The following LRRC37A variants were observed in gnomAD, a reference collection of about 807,000 sequenced individuals.
LRRC37A encodes the protein leucine-rich repeat-containing protein 37A.
Under a neutral mutation model 35.4 loss-of-function variants are expected in LRRC37A, and 3 were observed. The observed-to-expected ratio is 0.08, with a 90% confidence interval of 0.04 to 0.22. LRRC37A has a LOEUF of 0.22. Ranked by LOEUF, LRRC37A falls within the 10% of genes least tolerant of loss-of-function variation. The pLI, the probability that LRRC37A is intolerant of heterozygous loss-of-function variation, is 1.00. For missense variants in LRRC37A, 67 were observed against 565.3 expected (o/e 0.12, Z 8.94); for synonymous variants, 23 against 215.0 (o/e 0.11, Z 7.81).
the LRRC37A span, among the ~76,000 whole-genome samples, chr17:46,254,721 A>G: frequency 1.7e-4 from 24 of 138,760 alleles, no homozygotes; most frequent in Non-Finnish European, 3.0e-4. Context: ...TTTTTTTTTT[A>G]GTAGAGGCGG....
At chr17:46,269,925 A>G in the LRRC37A span, among the ~76,000 whole-genome samples, 1 of 152,262 alleles carries the variant, frequency 6.6e-6, no homozygotes, top group East Asian at 1.9e-4. Flanking sequence ...AATATTAACC[A>G]ATGACAGCTC....
upstream of LRRC37A, among the ~76,000 whole-genome samples, chr17:46,290,818 CAAAA>C (rs1193553365): frequency 6.6e-6 from 1 of 152,198 alleles, no homozygotes; most frequent in Non-Finnish European, 1.5e-5. Context: ...CAAAAACAAA[CAAAA>C]AACCCACAGG....
rs757660633 is a variant in LRRC37A, at chr17:46,331,023, A to C, written c.3746A>C (p.Lys1249Thr). Residue 1249 changes from lysine to threonine, a missense_variant, in exon 9 of 14, where the codon AAA becomes ACA. By Grantham distance (78) the Lys-to-Thr change is moderately conservative. Transcript: ENST00000320254. ...CATAAGGCAGCAGTCTCTGTGCTGA[A>C]ACCCTTCTCCAAGGGCACGCCTTCT... 8.9e-5 allele frequency: 63 copies of C among 705,304 alleles called. 26 individuals are homozygous for C. Among genetic ancestry groups the C allele is most frequent in the South Asian group, 2.5e-4 (9 of 35,308 alleles). The allele number at this position is 705,304 out of a possible 1,614,324, so 43.7% of individuals were successfully genotyped here.
At chr17:46,278,092 G>A in the LRRC37A span, among the ~76,000 whole-genome samples, 3 of 152,124 alleles carry the variant, frequency 2.0e-5, no homozygotes, top group South Asian at 2.1e-4. Flanking sequence ...ACTTACAGGC[G>A]TGCACCACCA....
At chr17:46,267,335 T>C in the LRRC37A span, 2 of 1,503,800 alleles carry the variant, frequency 1.3e-6, no homozygotes, top group Non-Finnish European at 1.8e-6. Context: ...ATGAACGGGA[T>C]AGTGCATGAC....
the LRRC37A span, chr17:46,260,726 C>T: frequency 0.095 from 75,127 of 793,090 alleles, 4,765 homozygotes; most frequent in East Asian, 0.32. Context: ...CGGGTTCAAG[C>T]GATTCTCCTG....
chr17:46,274,023 T>A, the LRRC37A span, among the ~76,000 whole-genome samples: 1 of 152,240 alleles, frequency 6.6e-6, no homozygotes, highest in Non-Finnish European at 1.5e-5. Flanking sequence ...TGAAGATTCT[T>A]CTCTGACGTG....
the LRRC37A span, among the ~76,000 whole-genome samples, chr17:46,254,389 T>A: frequency 2.7e-5 from 4 of 148,660 alleles, no homozygotes; most frequent in Non-Finnish European, 5.9e-5. Context: ...AGGCTGGCCA[T>A]TTATTGTATT....
At chr17:46,264,985 T>C in the LRRC37A span, among the ~76,000 whole-genome samples, 15,603 of 144,152 alleles carry the variant, frequency 0.11, 1 homozygote, top group Middle Eastern at 0.18. Context: ...AAGAAGGGGA[T>C]CTGAGGACAT....
Position 46,308,042 on chromosome 17 carries a change from C to T in LRRC37A, c.2906+1733C>T, listed in dbSNP as rs193041685. On this transcript the variant is annotated intron_variant, in intron 5 of 13. Transcript: ENST00000320254. ...ATAATAATAATATAATAATAATAAT[C>T]ATCATCATCATCTAGCCAGCTTCAC... Among the ~76,000 whole-genome samples, 2 of 72,334 alleles carry T rather than the reference C, an allele frequency of 2.8e-5. 1 individual carries two copies. Among genetic ancestry groups the T allele is most frequent in the East Asian group, 5.2e-4 (2 of 3,880 alleles). The allele number at this position is 72,334 out of a possible 152,430, so 47.5% of individuals were successfully genotyped here.
At chr17:46,281,200 T>C in the LRRC37A span, among the ~76,000 whole-genome samples, 1 of 152,184 alleles carries the variant, frequency 6.6e-6, no homozygotes, top group Non-Finnish European at 1.5e-5. Flanking sequence ...ACCTGGCTTA[T>C]AATGTTTATC....
chr17:46,260,447 GACCCAGCCGGCGGCGGGCTGCCC>G, the LRRC37A span: 1 of 1,565,458 alleles, frequency 6.4e-7, no homozygotes, highest in Non-Finnish European at 8.6e-7. Flanking sequence ...GAACACCTCT[GACCCAGCCGGCGGCGGGCTGCCC>G]ACCCAGCCTG....
At chr17:46,266,586 CCAGGCT>C in the LRRC37A span, among the ~76,000 whole-genome samples, 3 of 152,206 alleles carry the variant, frequency 2.0e-5, no homozygotes, top group Non-Finnish European at 4.4e-5. Context: ...AAGCAAAAGC[CCAGGCT>C]CACTTTTAGA....
chr17:46,255,977 G>A, the LRRC37A span, among the ~76,000 whole-genome samples: 16,560 of 151,690 alleles, frequency 0.11, 897 homozygotes, highest in East Asian at 0.31. Context: ...ACCCGGCCTC[G>A]GCCCCCAAAT....
chr17:46,286,949 C>T, the LRRC37A span, among the ~76,000 whole-genome samples: 1 of 152,228 alleles, frequency 6.6e-6, no homozygotes, highest in Non-Finnish European at 1.5e-5. Context: ...GTACAAAGAT[C>T]ACAGCCAATA....
chr17:46,277,839 G>C, the LRRC37A span, among the ~76,000 whole-genome samples: 2 of 152,008 alleles, frequency 1.3e-5, no homozygotes, highest in Non-Finnish European at 2.9e-5. Context: ...TAGAGACAAG[G>C]TTTTACCATA....
At chr17:46,288,499 C>T (rs1426261238), upstream of LRRC37A, among the ~76,000 whole-genome samples, 3 of 151,850 alleles carry the variant, frequency 2.0e-5, no homozygotes, top group African/African-American at 4.8e-5. Flanking sequence ...GGTTGTGCCA[C>T]GTTGGCCAGG....
At chr17:46,250,654 C>T in the LRRC37A span, among the ~76,000 whole-genome samples, 6,646 of 127,284 alleles carry the variant, frequency 0.052, no homozygotes, top group Non-Finnish European at 0.083. Context: ...AGCCTGCAGA[C>T]GGCCTATTGT....
the LRRC37A span, among the ~76,000 whole-genome samples, chr17:46,249,163 G>A: frequency 3.9e-5 from 6 of 152,126 alleles, 1 homozygote; most frequent in East Asian, 9.7e-4. Flanking sequence ...TGCAGACACC[G>A]AGGGACAACT....
Sources: gnomAD v4.1 joint callset for allele counts (sites outside exome capture counted in the v4.1 genomes callset) on GRCh38, gnomAD v4.1.1 for gene constraint, MANE v1.5 for transcripts, NCBI Gene and HGNC (gene_info 2026-07-23, HGNC 2026-07-21) for gene names.